Variants in COLEC12 observed in about 807,000 individuals in gnomAD.
The protein encoded by COLEC12 is collectin subfamily member 12.
In COLEC12, 33 loss-of-function variants were observed where a neutral mutation model predicts 71.1. The observed-to-expected ratio is 0.46, with a 90% CI of 0.35 to 0.62. The LOEUF is 0.62. Ranked by LOEUF, COLEC12 falls within the 20% of genes least tolerant of loss-of-function variation. The probability of loss-of-function intolerance (pLI) is 0.00; values close to 1 mark genes in which losing one functional copy is unlikely to be tolerated. For synonymous variants in COLEC12, 350 were observed against 353.0 expected, an observed-to-expected ratio of 0.99 and a Z score of 0.10; for missense variants, 765 against 916.1, an observed-to-expected ratio of 0.84 and a Z score of 2.13.
At chr18:461,391 A>T (rs1211043915) in intron 2 of COLEC12, among the ~76,000 whole-genome samples, 3 of 152,112 alleles carry the variant, frequency 2.0e-5, no homozygotes, top group Non-Finnish European at 4.4e-5. Context: ...AAAAATTTTA[A>T]TTTTTATCTT....
In COLEC12 at chr18:350,917, G is replaced by A. The variant is rs184849668; in HGVS notation, c.182-2754C>T. 1.9e-3 allele frequency among the ~76,000 whole-genome samples: 265 copies of A among 142,936 alleles called. 1 individual carries two copies. Among genetic ancestry groups the A allele is most frequent in the Non-Finnish European group, 2.2e-3 (145 of 66,890 alleles). The allele number at this position is 142,936 out of a possible 152,430, so 93.8% of individuals were successfully genotyped here. A position where few individuals can be genotyped will look rare whatever the true frequency, so the allele number is the denominator to read the frequency against. On this transcript the variant is annotated intron_variant, in intron 3 of 9. Coordinates refer to ENST00000400256, the MANE Select transcript of COLEC12 (RefSeq NM_130386.3). ...GGAGGTTGCAGTGAGCCGAGATCACGCCATTGCACTCCAGCCTGGGCAACA... is the reference window on the plus strand; with the variant it reads ...GGAGGTTGCAGTGAGCCGAGATCACACCATTGCACTCCAGCCTGGGCAACA...
rs766506216 is a variant in COLEC12, at chr18:331,714, G to C, written c.2017C>G (p.Arg673Gly). ...SHWIGLTDSE[R>G]ENEWKWLDGT... Reference sequence around the variant, plus strand: ...TCCAGCCACTTCCATTCATTTTCACGCTCTGAGTCTGTGAGGCCGATCCAG... The same window carrying C: ...TCCAGCCACTTCCATTCATTTTCACCCTCTGAGTCTGTGAGGCCGATCCAG... Residue 673 changes from arginine (R) to glycine (G), a missense_variant, in exon 8 of 10, where the codon CGT (arginine) becomes GGT (glycine). Physicochemically the swap from Arg to Gly is moderately radical, Grantham distance 125. Coordinates refer to ENST00000400256, the MANE Select transcript of COLEC12 (RefSeq NM_130386.3). 6.2e-7 allele frequency: 1 copy of C among 1,613,748 alleles called. No homozygotes were observed. The highest frequency in any genetic ancestry group is 8.5e-7 in the Non-Finnish European group (1 of 1,179,800).
intron 2 of COLEC12, among the ~76,000 whole-genome samples, chr18:371,893 G>GCAGGCACAC (rs1162929036): frequency 6.6e-6 from 1 of 152,192 alleles, no homozygotes; most frequent in Non-Finnish European, 1.5e-5. Flanking sequence ...CATCTGCACA[G>GCAGGCACAC]CAGTCATCGG....
At chr18:405,742 C>T (rs1915771621) in intron 2 of COLEC12, among the ~76,000 whole-genome samples, 1 of 152,102 alleles carries the variant, frequency 6.6e-6, no homozygotes, top group Admixed American at 6.5e-5. Context: ...GACTTACCTT[C>T]CCATCTCTCT....
At chr18:348,764 C>T (rs7236573) in intron 3 of COLEC12, among the ~76,000 whole-genome samples, 7,822 of 152,278 alleles carry the variant, frequency 0.051, 200 homozygotes, top group Middle Eastern at 0.1. Context: ...TGTCAGTTCT[C>T]AAGTAGATGC....
chr18:393,753 A>G (rs9303932), intron 2 of COLEC12, among the ~76,000 whole-genome samples: 133,330 of 152,202 alleles, frequency 0.88, 58,490 homozygotes, highest in Admixed American at 0.92. Flanking sequence ...AGCAGACTAT[A>G]TACACGTCTG....
chr18:331,646 C>T (rs770686235), intron 8 of COLEC12, 22 bp downstream of exon 8: 56 of 1,469,544 alleles, frequency 3.8e-5, no homozygotes, highest in Non-Finnish European at 5.2e-5. Context: ...GACCACCAAT[C>T]TGGAAGCTTC....
chr18:404,509 A>G (rs1413470517), intron 2 of COLEC12, among the ~76,000 whole-genome samples: 1 of 152,232 alleles, frequency 6.6e-6, no homozygotes, highest in Non-Finnish European at 1.5e-5. Context: ...GGAGTCACAC[A>G]TGAATTTAAA....
intron 2 of COLEC12, among the ~76,000 whole-genome samples, chr18:436,220 G>A (rs778482947): frequency 2.0e-4 from 31 of 152,176 alleles, no homozygotes; most frequent in Non-Finnish European, 3.5e-4. Flanking sequence ...GCAATAAAGG[G>A]CAAAGCGGGG....
rs1354631603 is a variant in COLEC12 at position 346,584 on chromosome 18, G to T, written c.1038C>A (p.Ile346=). Reference sequence around the variant, plus strand: ...GGGCTGTGTAACTGATATTGCTAATGATGTTCACAATATCCGTCTCAAAGA... The same window carrying T: ...GGGCTGTGTAACTGATATTGCTAATTATGTTCACAATATCCGTCTCAAAGA... ...FQLFETDIVN[I]ISNISYTAHH... is the part of the protein sequence containing the mutation. The change falls in exon 5 of 10, where the codon ATC becomes ATA. Residue 346 remains isoleucine, a synonymous_variant. Coordinates refer to ENST00000400256, the MANE Select transcript of COLEC12 (RefSeq NM_130386.3). This position sits in a 1 kb window ranked among gnomAD's most constrained non-coding sequence, Gnocchi z 4.0. 3 of 1,614,228 alleles carry T rather than the reference G, an allele frequency of 1.9e-6. No homozygotes were observed. In the African/African-American group the frequency reaches 4.0e-5, roughly 22 times the overall value.
At chr18:385,291 C>A (rs141589564) in intron 2 of COLEC12, among the ~76,000 whole-genome samples, 1 of 151,136 alleles carries the variant, frequency 6.6e-6, no homozygotes, top group Non-Finnish European at 1.5e-5. Flanking sequence ...TTAGACCCAA[C>A]TCTAAACAAG....
chr18:375,300 C>G (rs1915089127), intron 2 of COLEC12, among the ~76,000 whole-genome samples: 1 of 152,226 alleles, frequency 6.6e-6, no homozygotes, highest in Non-Finnish European at 1.5e-5. Context: ...ACCAGGCCTG[C>G]CACCACAAGG....
intron 8 of COLEC12, among the ~76,000 whole-genome samples, chr18:331,217 TC>T (rs1913972230): frequency 6.6e-6 from 1 of 152,128 alleles, no homozygotes; most frequent in Non-Finnish European, 1.5e-5. Flanking sequence ...TAGTTTCTAA[TC>T]ACACTCTGCC....
At chr18:445,041 T>G (rs1916619141) in intron 2 of COLEC12, among the ~76,000 whole-genome samples, 1 of 152,222 alleles carries the variant, frequency 6.6e-6, no homozygotes, top group Non-Finnish European at 1.5e-5. Context: ...TCTTAGGATA[T>G]TCACAGTTCA....
chr18:318,163 G>C lies in COLEC12; in HGVS notation c.*1882C>G, dbSNP rs1239407569. 6.6e-6 allele frequency: 1 copy of C among 151,414 alleles called. No individual in the cohort carries two copies. Among genetic ancestry groups the C allele is most frequent in the Non-Finnish European group, 1.5e-5 (1 of 67,868 alleles). 9.4% of individuals were successfully genotyped at this position (151,414 alleles called of 1,614,324 possible). A position where few individuals can be genotyped will look rare whatever the true frequency, so the allele number is the denominator to read the frequency against. ...GGCTAATTTTTTTTTTGTATTTTTA[G>C]TAGAGACGGGGTTTCACCGTGTTAG... On this transcript the variant is annotated 3_prime_UTR_variant, in exon 10 of 10. Coordinates refer to ENST00000400256, the MANE Select transcript of COLEC12 (RefSeq NM_130386.3).
At chr18:330,873 G>GTTTTTT (rs60146586) in intron 8 of COLEC12, among the ~76,000 whole-genome samples, 24 of 133,764 alleles carry the variant, frequency 1.8e-4, no homozygotes, top group Non-Finnish European at 2.6e-4. Context: ...CACATTTGTA[G>GTTTTTT]TTTTTTTTTT....
chr18:382,003 TA>T (rs34996444), intron 2 of COLEC12, among the ~76,000 whole-genome samples: 8 of 151,598 alleles, frequency 5.3e-5, no homozygotes, highest in African/African-American at 9.7e-5. Context: ...CTTACAGACT[TA>T]AAAAAAAGAC....
At chr18:442,008 C>T (rs1916549920) in intron 2 of COLEC12, among the ~76,000 whole-genome samples, 1 of 32,380 alleles carries the variant, frequency 3.1e-5, no homozygotes, top group African/African-American at 1.5e-4. Flanking sequence ...TCTCTACACA[C>T]ACACACACAC....
At chr18:472,542 C>T (rs1467394155) in intron 2 of COLEC12, among the ~76,000 whole-genome samples, 1 of 151,444 alleles carries the variant, frequency 6.6e-6, no homozygotes, top group Non-Finnish European at 1.5e-5. Context: ...TAAAAATTGG[C>T]CTAGAGTGGT....
Sources: allele counts gnomAD v4.1 joint callset (sites outside exome capture counted in the v4.1 genomes callset), GRCh38; gene constraint gnomAD v4.1.1; non-coding constraint Gnocchi (gnomAD v3.1); transcripts MANE v1.5; gene names NCBI Gene and HGNC (gene_info 2026-07-23, HGNC 2026-07-21).